ZFYVE16: variants seen among roughly 807,000 people sequenced by gnomAD.
ZFYVE16 encodes zinc finger FYVE domain-containing protein 16.
Under a neutral mutation model 138.1 loss-of-function variants are expected in ZFYVE16, and 89 were observed. That is an observed-to-expected ratio of 0.64 (90% CI 0.54 to 0.77). ZFYVE16 has a LOEUF of 0.77. Ranked by LOEUF, ZFYVE16 falls within the 30% of genes least tolerant of loss-of-function variation. The pLI is 0.00. For missense variants in ZFYVE16, 1,793 were observed against 1,786.7 expected (o/e 1.00, Z -0.06); for synonymous variants, 596 against 618.3 (o/e 0.96, Z 0.53).
chr5:80,478,923 A>G lies in ZFYVE16; in HGVS notation c.*1546A>G, dbSNP rs1395604103. The G allele has an allele frequency of 2.0e-5, 3 of 152,194 alleles. No individual in the cohort carries two copies. The highest frequency in any genetic ancestry group is 4.4e-5 in the Non-Finnish European group (3 of 68,006). The allele number at this position is 152,194 out of a possible 1,614,324, so 9.4% of individuals were successfully genotyped here. A position where few individuals can be genotyped will look rare whatever the true frequency, so the allele number is the denominator to read the frequency against. On this transcript the variant is annotated 3_prime_UTR_variant, in exon 19 of 19. Coordinates refer to ENST00000505560, the MANE Select transcript of ZFYVE16 (RefSeq NM_001284236.3). Reference sequence around the variant, plus strand: ...TGTTATAATTTGTGAAATTTATTGAAATGGTGTAAGATGAAAACAATTGCA... The same window carrying G: ...TGTTATAATTTGTGAAATTTATTGAGATGGTGTAAGATGAAAACAATTGCA...
chr5:80,437,199 A>C lies in ZFYVE16; in HGVS notation c.514A>C (p.Thr172Pro). 1.2e-6 allele frequency: 2 copies of C among 1,614,014 alleles called. No individual in the cohort carries two copies. Among genetic ancestry groups the C allele is most frequent in the Non-Finnish European group, 1.7e-6 (2 of 1,179,996 alleles). The change falls in exon 4 of 19, where the codon ACT becomes CCT. Residue 172 changes from threonine (T) to proline (P), a missense_variant. Transcript: ENST00000505560. ...ATTGGATTTATCTTCAGTGTCAGAT[A>C]CTCCCTGTGTTTCTTCAACAGACCA... ...IGLDLSSVSD[T>P]PCVSSTDHDS...
chr5:80,417,853 G>T (rs995594513), intron 1 of ZFYVE16, among the ~76,000 whole-genome samples: 31 of 152,160 alleles, frequency 2.0e-4, no homozygotes, highest in African/African-American at 7.5e-4. Context: ...GCACATGATT[G>T]CTGGATTATA....
At chr5:80,461,249 C>G (rs940980220) in intron 15 of ZFYVE16, among the ~76,000 whole-genome samples, 1 of 152,188 alleles carries the variant, frequency 6.6e-6, no homozygotes, top group African/African-American at 2.4e-5. Flanking sequence ...TGAAACACTT[C>G]TGGCCCTATG....
At chr5:80,413,326 C>A (rs1416465433) in intron 1 of ZFYVE16, among the ~76,000 whole-genome samples, 1 of 151,850 alleles carries the variant, frequency 6.6e-6, no homozygotes, top group Admixed American at 6.6e-5. Context: ...ACAAAATTAG[C>A]CAGGCATGGT....
chr5:80,437,368 A>G lies in ZFYVE16; in HGVS notation c.683A>G (p.Lys228Arg). 3 of 1,603,842 alleles carry G rather than the reference A, an allele frequency of 1.9e-6. No homozygotes were observed. Among genetic ancestry groups the G allele is most frequent in the Non-Finnish European group, 2.6e-6 (3 of 1,176,430 alleles). Residue 228 changes from lysine to arginine, a missense_variant, in exon 4 of 19, where the codon AAA (lysine) becomes AGA (arginine). Physicochemically the swap from Lys to Arg is conservative, Grantham distance 26. This residue lies in a region of ZFYVE16 where 1,295 missense variants were observed against 1,204.3 expected (regional missense o/e 1.08). Coordinates refer to ENST00000505560, the MANE Select transcript of ZFYVE16 (RefSeq NM_001284236.3). Reference sequence around the variant, plus strand: ...AATTACAGTGGAACAGAAAATTTAAAAGATAAAAAGATCTTTAATCAGTTA... The same window carrying G: ...AATTACAGTGGAACAGAAAATTTAAGAGATAAAAAGATCTTTAATCAGTTA... ...SYNYSGTENL[K>R]DKKIFNQLES...
chr5:80,454,828 C>T (rs956893717), intron 11 of ZFYVE16: 4 of 152,098 alleles, frequency 2.6e-5, no homozygotes, highest in Admixed American at 2.6e-4. Context: ...TTTCTTTTAT[C>T]ATGCTGAACC....
intron 2 of ZFYVE16, 63 bp from the exon 3 acceptor site, chr5:80,434,046 A>T: frequency 9.2e-7 from 1 of 1,091,384 alleles, no homozygotes; most frequent in Non-Finnish European, 1.3e-6. Context: ...CCTGGCATGG[A>T]ATACATGGCA....
At position 80,482,186 on chromosome 5, in the gene ZFYVE16, G is replaced by A. The variant is rs985364739; in HGVS notation, c.*4809G>A. 1 of 152,162 alleles carries A rather than the reference G, an allele frequency of 6.6e-6. No homozygotes were observed. Among genetic ancestry groups the A allele is most frequent in the East Asian group, 1.9e-4 (1 of 5,198 alleles). The allele number at this position is 152,162 out of a possible 1,614,324, so 9.4% of individuals were successfully genotyped here. ...TTTCTCCAAAGGAAATATATAAAGG[G>A]AAACACTGTTGAAATAAATGGAAAG... On this transcript the variant is annotated 3_prime_UTR_variant, in exon 19 of 19. Coordinates refer to ENST00000505560, the MANE Select transcript of ZFYVE16 (RefSeq NM_001284236.3).
At chr5:80,440,744 C>T (rs1238317139) in intron 5 of ZFYVE16, 2 of 976,588 alleles carry the variant, frequency 2.0e-6, no homozygotes, top group Non-Finnish European at 2.4e-6. Flanking sequence ...CTTTTGAGTA[C>T]CACTTGGCAT....
At chr5:80,419,871 G>A (rs956561101) in intron 1 of ZFYVE16, among the ~76,000 whole-genome samples, 1 of 151,804 alleles carries the variant, frequency 6.6e-6, no homozygotes, top group East Asian at 1.9e-4. Flanking sequence ...GAGTGCAGTG[G>A]TGTGATCTTG....
intron 1 of ZFYVE16, among the ~76,000 whole-genome samples, chr5:80,414,510 A>C (rs951928225): frequency 2.6e-5 from 4 of 152,150 alleles, no homozygotes; most frequent in Admixed American, 2.0e-4. Flanking sequence ...GGGTTCTTGC[A>C]TGGTCAACCA....
intron 8 of ZFYVE16, 43 bp downstream of exon 8, chr5:80,448,447 A>T (rs753176711): frequency 7.2e-7 from 1 of 1,395,236 alleles, no homozygotes; most frequent in Non-Finnish European, 9.3e-7. Context: ...TTAAAAATAT[A>T]TACTGATGAA....
intron 15 of ZFYVE16, among the ~76,000 whole-genome samples, chr5:80,462,453 T>C (rs904938903): frequency 1.3e-5 from 2 of 152,152 alleles, no homozygotes; most frequent in African/African-American, 4.8e-5. Flanking sequence ...TAGAACAGCA[T>C]GGGGGAAACT....
At chr5:80,432,472 C>T (rs1007629821) in intron 2 of ZFYVE16, among the ~76,000 whole-genome samples, 6 of 152,196 alleles carry the variant, frequency 3.9e-5, no homozygotes, top group African/African-American at 1.4e-4. Context: ...AGACCTAAAA[C>T]TATAAAAACC....
chr5:80,469,732 C>T (rs1014696527), intron 15 of ZFYVE16, among the ~76,000 whole-genome samples: 1 of 151,500 alleles, frequency 6.6e-6, no homozygotes, highest in African/African-American at 2.4e-5. Context: ...ATGCTCTGCT[C>T]ATTTTTTCTT....
chr5:80,460,136 C>A (rs1423735197), intron 15 of ZFYVE16, among the ~76,000 whole-genome samples: 1 of 152,130 alleles, frequency 6.6e-6, no homozygotes, highest in Non-Finnish European at 1.5e-5. Context: ...GATTGGTCTA[C>A]ATTTTCTCCA....
At chr5:80,408,872 T>C (rs1417591072) in intron 1 of ZFYVE16, among the ~76,000 whole-genome samples, 1 of 152,266 alleles carries the variant, frequency 6.6e-6, no homozygotes, top group African/African-American at 2.4e-5. Flanking sequence ...ATAGGCACTT[T>C]GTTGATTCAA....
At chr5:80,470,096 TG>T (rs1561332926) in intron 15 of ZFYVE16, among the ~76,000 whole-genome samples, 1,282 of 49,140 alleles carry the variant, frequency 0.026, 21 homozygotes, top group Middle Eastern at 0.062. Flanking sequence ...TGTGTGTGTG[TG>T]TGTATTTTTT....
chr5:80,477,183 GCT>G, intron 18 of ZFYVE16, 34 bp from the exon 19 acceptor site: 1 of 1,537,072 alleles, frequency 6.5e-7, no homozygotes, highest in African/African-American at 1.4e-5. Context: ...AAACAAGATT[GCT>G]CATTTTCTTA....
Sources: gnomAD v4.1 joint callset for allele counts (sites outside exome capture counted in the v4.1 genomes callset) on GRCh38, gnomAD v4.1.1 for gene constraint, gnomAD v4.1.1 regional missense constraint, MANE v1.5 for transcripts, NCBI Gene and HGNC (gene_info 2026-07-23, HGNC 2026-07-21) for gene names.